Variants in MED29 observed in about 807,000 individuals in gnomAD.
The protein encoded by MED29 is mediator complex subunit 29.
MED29 carries 14 observed loss-of-function variants against 22.0 expected under a neutral mutation model. The observed-to-expected ratio is 0.64, with a 90% CI of 0.42 to 0.99. MED29 has a LOEUF of 0.99. MED29 is among the 50% of genes least tolerant of loss of function. The probability of loss-of-function intolerance (pLI) is 0.00; values close to 1 mark genes in which losing one functional copy is unlikely to be tolerated. For synonymous variants in MED29, 123 were observed against 107.8 expected (o/e 1.14, Z -0.87); for missense variants, 241 against 253.7 (o/e 0.95, Z 0.34).
Position 39,393,804 on chromosome 19 carries a change from A to G in MED29, c.360+167A>G, listed in dbSNP as rs796441227. ...GGGTTGCTCTGATCCTTGCCCTTGCAGAGCTTTCAGTTGAGTGGAATAATA... is the reference window on the plus strand; with the variant it reads ...GGGTTGCTCTGATCCTTGCCCTTGCGGAGCTTTCAGTTGAGTGGAATAATA... On this transcript the variant is annotated intron_variant, in intron 3 of 3. Coordinates refer to ENST00000315588, the MANE Select transcript of MED29 (RefSeq NM_017592.4). 3.8e-5 allele frequency: 25 copies of G among 654,344 alleles called. No homozygotes were observed. In the African/African-American group the frequency reaches 4.5e-4, roughly 12 times the overall value. 40.5% of individuals were successfully genotyped at this position (654,344 alleles called of 1,614,324 possible).
rs765985207 is a variant in MED29 at position 39,393,613 on chromosome 19, C to G, written c.336C>G (p.Leu112=). The G allele has an allele frequency of 6.2e-7, 1 of 1,614,102 alleles. No homozygotes were observed. Among genetic ancestry groups the G allele is most frequent in the East Asian group, 2.2e-5 (1 of 44,886 alleles). ...FDKCLEEFYA[L]CDQLELCLRL... is the part of the protein sequence containing the mutation. ...AGTGCCTGGAAGAGTTCTATGCACTCTGTGACCAGCTGGAGCTGTGCCTGG... is the reference window on the plus strand; with the variant it reads ...AGTGCCTGGAAGAGTTCTATGCACTGTGTGACCAGCTGGAGCTGTGCCTGG... Residue 112 remains leucine, a synonymous_variant, in exon 3 of 4, where the codon CTC becomes CTG. Coordinates refer to ENST00000315588, the MANE Select transcript of MED29 (RefSeq NM_017592.4).
At chr19:39,394,899 C>T (rs1471270304) in intron 3 of MED29, among the ~76,000 whole-genome samples, 2 of 150,576 alleles carry the variant, frequency 1.3e-5, no homozygotes, top group South Asian at 2.1e-4. Flanking sequence ...CTCACTGTGT[C>T]GCCCGGGCTG....
Position 39,391,525 on chromosome 19 carries a change from C to T in MED29, c.103C>T (p.Pro35Ser), listed in dbSNP as rs754749310. 6.2e-7 allele frequency: 1 copy of T among 1,613,726 alleles called. No individual in the cohort carries two copies. The highest frequency in any genetic ancestry group is 1.1e-5 in the South Asian group (1 of 91,082). The change falls in exon 1 of 4, where the codon CCA (proline) becomes TCA (serine). Residue 35 changes from proline to serine, a missense_variant. Transcript: ENST00000315588. ...GGGTCCCCAGCAGCAGCCGCAACCG[C>T]CAGCACAACTGGTGGGCCCTGCCCA... is the stretch of plus-strand genomic sequence containing the variant. Reference protein sequence around the residue: ...GPGPQQQPQPPAQLVGPAQSG... With the variant: ...GPGPQQQPQPSAQLVGPAQSG...
rs2078437682 is a variant in MED29 at position 39,397,788 on chromosome 19, CCT to C, written c.*94_*95del. 1 of 1,511,992 alleles carries C rather than the reference CCT, an allele frequency of 6.6e-7. No homozygotes were observed. The highest frequency in any genetic ancestry group is 8.9e-7 in the Non-Finnish European group (1 of 1,129,560). 93.7% of individuals were successfully genotyped at this position (1,511,992 alleles called of 1,614,324 possible). On this transcript the variant is annotated 3_prime_UTR_variant, in exon 4 of 4. Coordinates refer to ENST00000315588, the MANE Select transcript of MED29 (RefSeq NM_017592.4). The stretch of plus-strand genomic sequence containing the variant: ...GTCCTGGGCCTAAACACAGCAGCCT[CCT>C]CTCTTCCTGCCTGAGCACCGCAGCG...
rs978811588 is a variant in MED29 at position 39,397,984 on chromosome 19, C to T, written c.*285C>T. 2.3e-5 allele frequency: 13 copies of T among 555,060 alleles called. No homozygotes were observed. The African/African-American group carries it at 2.4e-4, about 10-fold the overall frequency. The allele number at this position is 555,060 out of a possible 1,614,324, so 34.4% of individuals were successfully genotyped here. A position where few individuals can be genotyped will look rare whatever the true frequency, so the allele number is the denominator to read the frequency against. On this transcript the variant is annotated 3_prime_UTR_variant, in exon 4 of 4. Transcript: ENST00000315588. Reference sequence around the variant, plus strand: ...CCCCCATTCTTGCCTGGGTGTGGAGCCCTGGCTGTCCCCTCTCCCTCAGTC... The same window carrying T: ...CCCCCATTCTTGCCTGGGTGTGGAGTCCTGGCTGTCCCCTCTCCCTCAGTC...
chr19:39,396,499 G>A (rs371888421), intron 3 of MED29, among the ~76,000 whole-genome samples: 3 of 151,670 alleles, frequency 2.0e-5, no homozygotes, highest in Non-Finnish European at 1.5e-5. Context: ...ATGCCAAGGC[G>A]GGTAGATCAC....
chr19:39,393,512 A>G lies in MED29; in HGVS notation c.276-41A>G, dbSNP rs909161813. The G allele has an allele frequency of 4.4e-6, 7 of 1,580,880 alleles. No individual in the cohort carries two copies. The African/African-American group carries it at 8.1e-5, about 18-fold the overall frequency. ...GGTAGATACTGGTGTCCCAAAGATT[A>G]GAAATCAATTCTTCAGACATCCTTT... is the stretch of plus-strand genomic sequence containing the variant. On this transcript the variant is annotated intron_variant, in intron 2 of 3. Transcript: ENST00000315588.
chr19:39,391,706 G>T, intron 1 of MED29, 68 bp downstream of exon 1: 4 of 1,494,854 alleles, frequency 2.7e-6, no homozygotes, highest in Non-Finnish European at 2.7e-6. Context: ...CGAGGGCCAG[G>T]TTAGTCGGAG....
At chr19:39,397,406 A>G (rs774851054) in intron 3 of MED29, 51 bp from the exon 4 acceptor site, 1 of 1,570,588 alleles carries the variant, frequency 6.4e-7, no homozygotes, top group Non-Finnish European at 8.6e-7. Flanking sequence ...GGGGTGGGGT[A>G]GAATGACCTC....
At chr19:39,396,144 G>A (rs1266652780) in intron 3 of MED29, among the ~76,000 whole-genome samples, 1 of 152,134 alleles carries the variant, frequency 6.6e-6, no homozygotes, top group African/African-American at 2.4e-5. Context: ...GGTAGTGTAA[G>A]AAGTACCTAG....
rs766271825 is a variant in MED29 at position 39,391,523 on chromosome 19, C to T, written c.101C>T (p.Pro34Leu). Reference protein sequence around the residue: ...GGPGPQQQPQPPAQLVGPAQS... With the variant: ...GGPGPQQQPQLPAQLVGPAQS... ...CCGGGTCCCCAGCAGCAGCCGCAAC[C>T]GCCAGCACAACTGGTGGGCCCTGCC... Residue 34 changes from proline to leucine, a missense_variant, in exon 1 of 4, where the codon CCG (proline) becomes CTG (leucine). Physicochemically the swap from Pro to Leu is moderately conservative, Grantham distance 98. Coordinates refer to ENST00000315588, the MANE Select transcript of MED29 (RefSeq NM_017592.4). The T allele has an allele frequency of 6.2e-7, 1 of 1,613,668 alleles. No homozygotes were observed.
rs189531828 is a variant in MED29 at position 39,397,896 on chromosome 19, C to G, written c.*197C>G. ...GTCCCTGCCCCTTCTTCCTGCTCCC[C>G]CTCCTAGCCTAGGGTAGACTTTGAA... is the stretch of plus-strand genomic sequence containing the variant. On this transcript the variant is annotated 3_prime_UTR_variant, in exon 4 of 4. Coordinates refer to ENST00000315588, the MANE Select transcript of MED29 (RefSeq NM_017592.4). 2.4e-6 allele frequency: 2 copies of G among 840,066 alleles called. No individual in the cohort carries two copies. The highest frequency in any genetic ancestry group is 1.8e-6 in the Non-Finnish European group (1 of 554,530). 52.0% of individuals were successfully genotyped at this position (840,066 alleles called of 1,614,324 possible).
At position 39,391,502 on chromosome 19, in the gene MED29, G is replaced by C. The variant is rs774472006; in HGVS notation, c.80G>C (p.Gly27Ala). ...VSGPSSAGGP[G>A]PQQQPQPPAQ... is the part of the protein sequence containing the mutation. ...GGTCCTAGTTCGGCTGGCGGCCCGG[G>C]TCCCCAGCAGCAGCCGCAACCGCCA... The change falls in exon 1 of 4, where the codon GGT (glycine) becomes GCT (alanine). Residue 27 changes from glycine (G) to alanine (A), a missense_variant. Transcript: ENST00000315588. 1 of 1,612,664 alleles carries C rather than the reference G, an allele frequency of 6.2e-7. No individual in the cohort carries two copies. Among genetic ancestry groups the C allele is most frequent in the East Asian group, 2.2e-5 (1 of 44,890 alleles).
intron 2 of MED29, among the ~76,000 whole-genome samples, chr19:39,393,135 G>A (rs537284048): frequency 6.9e-5 from 8 of 115,836 alleles, no homozygotes; most frequent in South Asian, 5.7e-4. Flanking sequence ...TTGCTCTGTC[G>A]CCCAGGCTGG....
In MED29 at chr19:39,394,556, CTTTTTTTT is replaced by C. The variant is rs775465635; in HGVS notation, c.360+938_360+945del. Among the ~76,000 whole-genome samples, 11 of 69,252 alleles carry C rather than the reference CTTTTTTTT, an allele frequency of 1.6e-4. No individual in the cohort carries two copies. The East Asian group carries it at 3.5e-3, about 22-fold the overall frequency. The allele number at this position is 69,252 out of a possible 152,430, so 45.4% of individuals were successfully genotyped here. The stretch of plus-strand genomic sequence containing the variant: ...ACAAGCATGAGCCACTGCACCCGGC[CTTTTTTTT>C]TTTTTTTTTTTTTTTTTTGAGACAG... On this transcript the variant is annotated intron_variant, in intron 3 of 3. Transcript: ENST00000315588.
rs1488076761 is a variant in MED29, at chr19:39,398,246, CT to C, written c.*548del. The C allele has an allele frequency of 6.3e-6, 1 of 158,450 alleles. No homozygotes were observed. Among genetic ancestry groups the C allele is most frequent in the African/African-American group, 2.4e-5 (1 of 41,622 alleles). The allele number at this position is 158,450 out of a possible 1,614,324, so 9.8% of individuals were successfully genotyped here. On this transcript the variant is annotated 3_prime_UTR_variant, in exon 4 of 4. Transcript: ENST00000315588. ...GTGTCTATGCAGGGGGCCAGCACCC[CT>C]GGGTTATCTGGGGCTAAGGGAAGGG...
chr19:39,397,975 G>T lies in MED29; in HGVS notation c.*276G>T. 1 of 560,828 alleles carries T rather than the reference G, an allele frequency of 1.8e-6. No homozygotes were observed. Among genetic ancestry groups the T allele is most frequent in the Admixed American group, 3.2e-5 (1 of 31,034 alleles). The allele number at this position is 560,828 out of a possible 1,614,324, so 34.7% of individuals were successfully genotyped here. Reference sequence around the variant, plus strand: ...ACAGGCCCTCCCCCATTCTTGCCTGGGTGTGGAGCCCTGGCTGTCCCCTCT... The same window carrying T: ...ACAGGCCCTCCCCCATTCTTGCCTGTGTGTGGAGCCCTGGCTGTCCCCTCT... On this transcript the variant is annotated 3_prime_UTR_variant, in exon 4 of 4. Transcript: ENST00000315588.
At chr19:39,397,300 C>T (rs1385893552) in intron 3 of MED29, among the ~76,000 whole-genome samples, 157 bp from the exon 4 acceptor site, 5 of 152,198 alleles carry the variant, frequency 3.3e-5, no homozygotes, top group African/African-American at 1.2e-4. Flanking sequence ...AGCCGCCATG[C>T]CCCCAGGTTC....
chr19:39,395,916 CA>C (rs35433105), intron 3 of MED29, among the ~76,000 whole-genome samples: 140 of 136,600 alleles, frequency 1.0e-3, no homozygotes, highest in East Asian at 1.7e-3. Context: ...GACTCCGTCT[CA>C]AAAAAAAAAA....
Sources: gnomAD v4.1 joint callset for allele counts (sites outside exome capture counted in the v4.1 genomes callset) on GRCh38, gnomAD v4.1.1 for gene constraint, MANE v1.5 for transcripts, NCBI Gene and HGNC (gene_info 2026-07-23, HGNC 2026-07-21) for gene names.